The following PCNT variants were observed in gnomAD, a reference collection of about 807,000 sequenced individuals.
PCNT encodes pericentrin, also known as kendrin.
PCNT carries 319 observed loss-of-function variants against 380.4 expected under a neutral mutation model. The ratio of observed to expected loss-of-function variants is 0.84; its 90% CI spans 0.77 to 0.92. The LOEUF (loss-of-function observed/expected upper bound fraction) is 0.92, where lower values mean the gene tolerates loss of function less well. Ranked by LOEUF, PCNT falls within the 40% of genes least tolerant of loss-of-function variation. PCNT has a pLI of 0.00. For missense variants in PCNT, 4,400 were observed against 4,255.3 expected (o/e 1.03, Z -0.95); for synonymous variants, 1,845 against 1,735.2 (o/e 1.06, Z -1.57).
chr21:46,425,682 C>A lies in PCNT; in HGVS notation c.7180-149C>A. 1 of 1,063,210 alleles carries A rather than the reference C, an allele frequency of 9.4e-7. No homozygotes were observed. Among genetic ancestry groups the A allele is most frequent in the Non-Finnish European group, 1.4e-6 (1 of 700,428 alleles). 65.9% of individuals were successfully genotyped at this position (1,063,210 alleles called of 1,614,324 possible). On this transcript the variant is annotated intron_variant, in intron 32 of 46. Coordinates refer to ENST00000359568, the MANE Select transcript of PCNT (RefSeq NM_006031.6). The surrounding 1 kb of genome is among the most constrained non-coding windows in gnomAD (Gnocchi z 4.2). ...ACCTTGTAGCTTGAGAAGTGGGTGC[C>A]GCCTGTACGAAGCCGAGGCGGTGCC...
intron 3 of PCNT, among the ~76,000 whole-genome samples, chr21:46,336,257 G>A (rs1465526578): frequency 3.3e-5 from 5 of 152,342 alleles, no homozygotes; most frequent in East Asian, 1.9e-4. Context: ...GATTACAGGC[G>A]TGAGCCACTA....
In PCNT at chr21:46,444,740, T is replaced by A. The variant is rs752708321; in HGVS notation, c.9886T>A (p.Ser3296Thr). The change falls in exon 46 of 47, where the codon TCT becomes ACT. Residue 3296 changes from serine to threonine, a missense_variant. Transcript: ENST00000359568. ...AAGATTAGAAAGATCCCTGACTGCT[T>A]CTCAAGATCCAGAACATTCCTTGAC... ...NSRLERSLTA[S>T]QDPEHSLTEY... 3 of 1,613,470 alleles carry A rather than the reference T, an allele frequency of 1.9e-6. No individual in the cohort carries two copies. Among genetic ancestry groups the A allele is most frequent in the Non-Finnish European group, 2.5e-6 (3 of 1,179,528 alleles).
At chr21:46,356,055 CG>C (rs1569190732) in intron 12 of PCNT, among the ~76,000 whole-genome samples, 1 of 152,176 alleles carries the variant, frequency 6.6e-6, no homozygotes, top group Non-Finnish European at 1.5e-5. Context: ...AGGCAGGGCA[CG>C]GGGCACAGGG....
At chr21:46,332,702 C>T (rs779550693) in intron 2 of PCNT, among the ~76,000 whole-genome samples, 1 of 152,180 alleles carries the variant, frequency 6.6e-6, no homozygotes, top group Non-Finnish European at 1.5e-5. Context: ...GCCATGGGTG[C>T]TCTCTCTCTG....
In PCNT at chr21:46,425,804, C is replaced by G; in HGVS notation, c.7180-27C>G. 6.2e-7 allele frequency: 1 copy of G among 1,612,314 alleles called. No individual in the cohort carries two copies. The highest frequency in any genetic ancestry group is 8.5e-7 in the Non-Finnish European group (1 of 1,179,840). Reference sequence around the variant, plus strand: ...TGGCTGTGTGGGGTGGCAGGCAACTCCCTTCTGACGCGCTTTCCCGCCACA... The same window carrying G: ...TGGCTGTGTGGGGTGGCAGGCAACTGCCTTCTGACGCGCTTTCCCGCCACA... On this transcript the variant is annotated intron_variant, in intron 32 of 46. Transcript: ENST00000359568. This position sits in a 1 kb window ranked among gnomAD's most constrained non-coding sequence, Gnocchi z 4.2.
chr21:46,423,065 TAGTA>T (rs1377846751), intron 32 of PCNT, among the ~76,000 whole-genome samples: 2 of 152,156 alleles, frequency 1.3e-5, no homozygotes, highest in South Asian at 4.2e-4. Flanking sequence ...CTGGGCAACA[TAGTA>T]AGACCCCTCT....
chr21:46,385,342 T>A (rs935765438), intron 16 of PCNT, among the ~76,000 whole-genome samples: 1 of 152,072 alleles, frequency 6.6e-6, no homozygotes, highest in Non-Finnish European at 1.5e-5. Context: ...GGCAACAGAG[T>A]GAGACCCTGT....
intron 3 of PCNT, 104 bp from the exon 4 acceptor site, chr21:46,346,024 C>T (rs1601792721): frequency 9.2e-7 from 1 of 1,084,494 alleles, no homozygotes; most frequent in Non-Finnish European, 1.4e-6. Flanking sequence ...CTGTGAACAG[C>T]TGCGAACGGG....
rs1437090460 is a variant in PCNT, at chr21:46,411,563, T to C, written c.5490T>C (p.Ala1830=). Reference sequence around the variant, plus strand: ...AGCGCCTCCAGGGCGCAGAGGAGGCTGCGGAGCTACAGCTGGCTGAGCTGG... The same window carrying C: ...AGCGCCTCCAGGGCGCAGAGGAGGCCGCGGAGCTACAGCTGGCTGAGCTGG... ...LQQRLQGAEE[A]AELQLAELER... Residue 1830 remains alanine (A), a synonymous_variant, in exon 28 of 47, where the codon GCT becomes GCC. Coordinates refer to ENST00000359568, the MANE Select transcript of PCNT (RefSeq NM_006031.6). 2 of 1,612,580 alleles carry C rather than the reference T, an allele frequency of 1.2e-6. No individual in the cohort carries two copies. The highest frequency in any genetic ancestry group is 1.7e-6 in the Non-Finnish European group (2 of 1,179,650).
At chr21:46,416,966 C>G (rs1024760900) in intron 30 of PCNT, 127 bp downstream of exon 30, 2 of 838,358 alleles carry the variant, frequency 2.4e-6, no homozygotes, top group Non-Finnish European at 3.7e-6. Context: ...GTGGGGCCAG[C>G]TCTGCAGGAC....
intron 13 of PCNT, among the ~76,000 whole-genome samples, chr21:46,361,096 A>G (rs745770334): frequency 6.6e-6 from 1 of 152,226 alleles, no homozygotes; most frequent in African/African-American, 2.4e-5. Flanking sequence ...CAGGGATTAA[A>G]ATACACATTC....
Position 46,416,249 on chromosome 21 carries a change from A to C in PCNT, c.6331A>C (p.Ser2111Arg). 1 of 1,614,040 alleles carries C rather than the reference A, an allele frequency of 6.2e-7. No individual in the cohort carries two copies. The change falls in exon 30 of 47, where the codon AGT becomes CGT. Residue 2111 changes from serine (S) to arginine (R), a missense_variant. Physicochemically the swap from Ser to Arg is moderately radical, Grantham distance 110 (BLOSUM62 -1). Coordinates refer to ENST00000359568, the MANE Select transcript of PCNT (RefSeq NM_006031.6). ...AGCACACCTGTTGGAGAGCAGCTGGAGTGATGATTCCTGTGACGGAGAAGA... is the reference window on the plus strand; with the variant it reads ...AGCACACCTGTTGGAGAGCAGCTGGCGTGATGATTCCTGTGACGGAGAAGA... ...ASAHLLESSW[S>R]DDSCDGEEPD...
At chr21:46,406,713 A>G (rs896934061) in intron 27 of PCNT, among the ~76,000 whole-genome samples, 1 of 152,176 alleles carries the variant, frequency 6.6e-6, no homozygotes, top group African/African-American at 2.4e-5. Context: ...CATTAAGTAT[A>G]TTAGCTTTAG....
rs747359588 is a variant in PCNT, at chr21:46,425,935, G to A, written c.7284G>A (p.Glu2428=). The change falls in exon 33 of 47, where the codon GAG becomes GAA. Residue 2428 remains glutamate, a synonymous_variant. Transcript: ENST00000359568. This position sits in a 1 kb window ranked among gnomAD's most constrained non-coding sequence, Gnocchi z 4.2. ...CACACCCACCCCGGAAGGAAGACGA[G>A]ATACAGGACATCTCGCTCCATGGGG... ...GEPHPPRKED[E]IQDISLHGGK... 2.5e-6 allele frequency: 4 copies of A among 1,614,146 alleles called. No homozygotes were observed. Among genetic ancestry groups the A allele is most frequent in the East Asian group, 4.5e-5 (2 of 44,886 alleles).
intron 12 of PCNT, among the ~76,000 whole-genome samples, 181 bp from the exon 13 acceptor site, chr21:46,356,793 A>G (rs2084496070): frequency 6.6e-6 from 1 of 152,220 alleles, no homozygotes; most frequent in Non-Finnish European, 1.5e-5. Context: ...GGTGTCCCGA[A>G]AGGGAGGGGA....
chr21:46,388,449 C>T lies in PCNT; in HGVS notation c.3465-293C>T, dbSNP rs547964121. 8.5e-5 allele frequency among the ~76,000 whole-genome samples: 13 copies of T among 152,314 alleles called. No individual in the cohort carries two copies. The highest frequency in any genetic ancestry group is 6.5e-4 in the Admixed American group (10 of 15,306). The stretch of plus-strand genomic sequence containing the variant: ...GCTGTGCGGCCACATCGCACACCTG[C>T]GGGACGGGTTTGCCGTGTTCCTAAT... On this transcript the variant is annotated intron_variant, in intron 17 of 46. Coordinates refer to ENST00000359568, the MANE Select transcript of PCNT (RefSeq NM_006031.6). This position sits in a 1 kb window ranked among gnomAD's most constrained non-coding sequence, Gnocchi z 4.2.
At chr21:46,372,074 A>G (rs201695148) in intron 15 of PCNT, among the ~76,000 whole-genome samples, 562 of 151,112 alleles carry the variant, frequency 3.7e-3, no homozygotes, top group Non-Finnish European at 6.7e-3. Context: ...GCACATGCAC[A>G]CAGCACATGC....
At chr21:46,381,630 G>C in intron 15 of PCNT, 64 bp from the exon 16 acceptor site, 1 of 1,498,784 alleles carries the variant, frequency 6.7e-7, no homozygotes, top group Non-Finnish European at 9.3e-7. Flanking sequence ...CTGAATTCCG[G>C]CTAACAGCAA....
chr21:46,414,463 C>CTCCTCCTCT (rs2086930568), intron 29 of PCNT, among the ~76,000 whole-genome samples: 1 of 147,726 alleles, frequency 6.8e-6, no homozygotes, highest in African/African-American at 2.5e-5. Flanking sequence ...CACCCTCCTC[C>CTCCTCCTCT]TCCTGGACAC....
Sources: gnomAD v4.1 joint callset for allele counts (sites outside exome capture counted in the v4.1 genomes callset) on GRCh38, gnomAD v4.1.1 for gene constraint, Gnocchi (gnomAD v3.1) non-coding constraint, MANE v1.5 for transcripts, NCBI Gene and HGNC (gene_info 2026-07-23, HGNC 2026-07-21) for gene names.